Variants in PTPRG observed in about 807,000 individuals in gnomAD.
PTPRG encodes receptor-type tyrosine-protein phosphatase gamma.
A neutral mutation model predicts 165.3 loss-of-function variants in PTPRG; 102 were observed. The observed-to-expected ratio is 0.62, with a 90% CI of 0.53 to 0.73. The LOEUF (loss-of-function observed/expected upper bound fraction) is 0.73, where lower values mean the gene tolerates loss of function less well. PTPRG is among the 30% of genes least tolerant of loss of function. The pLI is 0.00. For missense variants in PTPRG, 1,866 were observed against 1,861.4 expected (o/e 1.00, Z -0.05); for synonymous variants, 675 against 669.5 (o/e 1.01, Z -0.13).
At chr3:62,127,229 T>C (rs563639588) in intron 5 of PTPRG, among the ~76,000 whole-genome samples, 3 of 152,288 alleles carry the variant, frequency 2.0e-5, no homozygotes, top group East Asian at 3.9e-4. Flanking sequence ...AATAACCACA[T>C]TATAAATGCT....
At chr3:61,835,091 A>G (rs2036420443) in intron 2 of PTPRG, among the ~76,000 whole-genome samples, 1 of 152,220 alleles carries the variant, frequency 6.6e-6, no homozygotes, top group East Asian at 1.9e-4. Context: ...CATAAATGTC[A>G]GGTTCATGGA....
At chr3:62,221,632 T>C (rs1422836491) in intron 13 of PTPRG, among the ~76,000 whole-genome samples, 1 of 152,148 alleles carries the variant, frequency 6.6e-6, no homozygotes, top group Non-Finnish European at 1.5e-5. Context: ...TAAGACTGGA[T>C]GATTGGCAAA....
chr3:62,164,890 C>G (rs1223838958), intron 7 of PTPRG, among the ~76,000 whole-genome samples: 5 of 152,196 alleles, frequency 3.3e-5, no homozygotes, highest in African/African-American at 1.2e-4. Flanking sequence ...TTTTCTGAGA[C>G]AGGCCATTCT....
chr3:62,168,045 C>T lies in PTPRG; in HGVS notation c.915C>T (p.Asn305=), dbSNP rs1705065290. Residue 305 remains asparagine (N), a synonymous_variant, in exon 8 of 30, where the codon AAC becomes AAT. Coordinates refer to ENST00000474889, the MANE Select transcript of PTPRG (RefSeq NM_002841.4). The part of the protein sequence containing the change: ...HVKSVEYLRN[N]FRPQQRLHDR... ...AGTCGGTGGAGTATCTGAGAAATAA[C>T]TTTCGACCACAGCAGCGTCTGCATG... 3.7e-6 allele frequency: 6 copies of T among 1,613,818 alleles called. No homozygotes were observed. Among genetic ancestry groups the T allele is most frequent in the Non-Finnish European group, 5.1e-6 (6 of 1,179,890 alleles).
At position 62,240,037 on chromosome 3, in the gene PTPRG, C is replaced by T. The variant is rs1701122133; in HGVS notation, c.2376-3770C>T. Among the ~76,000 whole-genome samples, 1 of 152,074 alleles carries T rather than the reference C, an allele frequency of 6.6e-6. No individual in the cohort carries two copies. The highest frequency in any genetic ancestry group is 1.5e-5 in the Non-Finnish European group (1 of 68,030). On this transcript the variant is annotated intron_variant, in intron 14 of 29. Transcript: ENST00000474889. The surrounding 1 kb of genome is among the most constrained non-coding windows in gnomAD (Gnocchi z 5.1). ...AGTCCCTGGCCCAGAGTAGACCCCCCAATAGATAGTTATTAAAGGAATAAA... is the reference window on the plus strand; with the variant it reads ...AGTCCCTGGCCCAGAGTAGACCCCCTAATAGATAGTTATTAAAGGAATAAA...
intron 2 of PTPRG, among the ~76,000 whole-genome samples, chr3:61,972,111 C>T (rs1043056696): frequency 2.6e-5 from 4 of 152,156 alleles, no homozygotes; most frequent in African/African-American, 9.7e-5. Flanking sequence ...CAATGGAAGA[C>T]GGTTTACATA....
At chr3:62,239,871 G>A (rs1701119285) in intron 14 of PTPRG, among the ~76,000 whole-genome samples, 1 of 152,008 alleles carries the variant, frequency 6.6e-6, no homozygotes, top group African/African-American at 2.4e-5. Flanking sequence ...CCTGAAATGA[G>A]CAAGTTAAAA....
At chr3:61,860,179 G>T (rs1301344589) in intron 2 of PTPRG, among the ~76,000 whole-genome samples, 3 of 152,084 alleles carry the variant, frequency 2.0e-5, no homozygotes, top group Non-Finnish European at 2.9e-5. Flanking sequence ...AATTCCTCAG[G>T]GTTGGATATG....
At chr3:61,909,339 AT>A (rs2038741640) in intron 2 of PTPRG, among the ~76,000 whole-genome samples, 1 of 152,074 alleles carries the variant, frequency 6.6e-6, no homozygotes, top group South Asian at 2.1e-4. Flanking sequence ...ACAGGTTTTA[AT>A]TTTTTAATTT....
At chr3:61,679,434 A>G (rs1217276717) in intron 1 of PTPRG, among the ~76,000 whole-genome samples, 1 of 152,110 alleles carries the variant, frequency 6.6e-6, no homozygotes. Context: ...TCACGGAATG[A>G]CCCTGGTCAG....
intron 2 of PTPRG, among the ~76,000 whole-genome samples, chr3:61,853,732 T>C (rs1329421553): frequency 6.6e-6 from 1 of 152,230 alleles, no homozygotes; most frequent in Non-Finnish European, 1.5e-5. Flanking sequence ...ACAACTAAGA[T>C]GCAGAGTGCT....
chr3:61,822,835 C>G (rs919678210), intron 2 of PTPRG, among the ~76,000 whole-genome samples: 9 of 152,166 alleles, frequency 5.9e-5, no homozygotes, highest in Admixed American at 2.0e-4. Flanking sequence ...AGAATTTCTT[C>G]TCTAACAGTC....
chr3:62,036,871 TTTG>T (rs1447268477), intron 4 of PTPRG, among the ~76,000 whole-genome samples: 1 of 152,196 alleles, frequency 6.6e-6, no homozygotes, highest in Admixed American at 6.5e-5. Flanking sequence ...TCCATTCCTC[TTTG>T]TTGTGGCTGT....
intron 1 of PTPRG, among the ~76,000 whole-genome samples, chr3:61,730,898 A>G (rs535141439): frequency 4.5e-4 from 68 of 152,346 alleles, no homozygotes; most frequent in African/African-American, 1.6e-3. Flanking sequence ...CTGGATTTCT[A>G]GGTTACAACA....
chr3:61,907,980 G>T (rs142668041), intron 2 of PTPRG, among the ~76,000 whole-genome samples: 223 of 151,998 alleles, frequency 1.5e-3, no homozygotes, highest in African/African-American at 5.1e-3. Context: ...AATTAGCTGG[G>T]TGTAGTGGTG....
At chr3:62,150,520 G>A (rs773884427) in intron 6 of PTPRG, among the ~76,000 whole-genome samples, 11 of 152,128 alleles carry the variant, frequency 7.2e-5, no homozygotes, top group Non-Finnish European at 1.3e-4. Flanking sequence ...TTTAAGTGGC[G>A]CTGTCATAAA....
At chr3:61,787,202 G>C (rs1559611723) in intron 2 of PTPRG, among the ~76,000 whole-genome samples, 1 of 152,146 alleles carries the variant, frequency 6.6e-6, no homozygotes, top group Non-Finnish European at 1.5e-5. Flanking sequence ...CAAATAAAGT[G>C]ATTGATAAAG....
Position 61,605,819 on chromosome 3 carries a change from C to T in PTPRG, c.85+43447C>T, listed in dbSNP as rs139203946. 1.2e-3 allele frequency among the ~76,000 whole-genome samples: 188 copies of T among 152,238 alleles called. 1 individual carries two copies. Among genetic ancestry groups the T allele is most frequent in the African/African-American group, 4.4e-3 (181 of 41,534 alleles). Reference sequence around the variant, plus strand: ...GAACTCCTGGCCTTAAGCAATCCTCCTGCCTCACTTCTCAAAGCAGTGGGA... The same window carrying T: ...GAACTCCTGGCCTTAAGCAATCCTCTTGCCTCACTTCTCAAAGCAGTGGGA... On this transcript the variant is annotated intron_variant, in intron 1 of 29. Coordinates refer to ENST00000474889, the MANE Select transcript of PTPRG (RefSeq NM_002841.4).
intron 4 of PTPRG, among the ~76,000 whole-genome samples, chr3:62,037,999 C>A (rs754499705): frequency 4.6e-5 from 7 of 152,118 alleles, no homozygotes; most frequent in Non-Finnish European, 8.8e-5. Context: ...ACATTTAGTC[C>A]TTAACACTGA....
Sources: allele counts gnomAD v4.1 joint callset (sites outside exome capture counted in the v4.1 genomes callset), GRCh38; gene constraint gnomAD v4.1.1; non-coding constraint Gnocchi (gnomAD v3.1); transcripts MANE v1.5; gene names NCBI Gene and HGNC (gene_info 2026-07-23, HGNC 2026-07-21).